N4BP2L2: variants seen among roughly 807,000 people sequenced by gnomAD.
N4BP2L2 encodes NEDD4 binding protein 2 like 2.
In N4BP2L2, 50 loss-of-function variants were observed where a neutral mutation model predicts 56.2. The observed-to-expected ratio is 0.89, with a 90% CI of 0.71 to 1.13. The LOEUF is 1.13. Ranked by LOEUF, N4BP2L2 falls within the 50% of genes most tolerant of loss-of-function variation. The pLI, the probability that N4BP2L2 is intolerant of heterozygous loss-of-function variation, is 0.00. For synonymous variants in N4BP2L2, 203 were observed against 223.6 expected (o/e 0.91, Z 0.82); for missense variants, 689 against 693.8 (o/e 0.99, Z 0.08).
At chr13:32,520,672 T>C (rs1434418437) in intron 5 of N4BP2L2, among the ~76,000 whole-genome samples, 4 of 131,852 alleles carry the variant, frequency 3.0e-5, no homozygotes, top group Admixed American at 7.4e-5. Context: ...AAAAAAAAAG[T>C]AAAGGAAAAA....
exon 7 of N4BP2L2, chr13:32,442,725 A>C (rs781333732): frequency 8.7e-6 from 14 of 1,613,608 alleles, no homozygotes; most frequent in Non-Finnish European, 1.2e-5. Flanking sequence ...TCCAAATACT[A>C]GATAAATTAT....
At chr13:32,478,391 A>G (rs1171899275) in intron 6 of N4BP2L2, 1 of 187,850 alleles carries the variant, frequency 5.3e-6, no homozygotes, top group African/African-American at 2.3e-5. Flanking sequence ...TATTCCTGAG[A>G]GATGGAAATA....
intron 6 of N4BP2L2, among the ~76,000 whole-genome samples, chr13:32,494,216 G>C (rs1485163121): frequency 6.6e-6 from 1 of 152,090 alleles, no homozygotes; most frequent in Non-Finnish European, 1.5e-5. Context: ...CTGGGAGGCG[G>C]AGGTTGCAGT....
rs76571497 is a variant in N4BP2L2, at chr13:32,459,993, C to T, written c.366-15867G>A. On this transcript the variant is annotated intron_variant, in intron 6 of 9. Coordinates refer to the N4BP2L2 transcript ENST00000357505. Reference sequence around the variant, plus strand: ...AGGATTTATCTCAGGGATGCAAACACGGTTCAACATACACAAATCAATAAA... The same window carrying T: ...AGGATTTATCTCAGGGATGCAAACATGGTTCAACATACACAAATCAATAAA... Among the ~76,000 whole-genome samples, 1,281 of 152,160 alleles carry T rather than the reference C, an allele frequency of 8.4e-3. 6 individuals carry two copies. The highest frequency in any genetic ancestry group is 0.03 in the South Asian group (145 of 4,822).
At chr13:32,480,593 A>G (rs1326707605) in intron 6 of N4BP2L2, 1 of 1,281,232 alleles carries the variant, frequency 7.8e-7, no homozygotes, top group African/African-American at 1.5e-5. Flanking sequence ...ATCTCACCTG[A>G]GTTGCTGTCT....
rs563998147 is a variant in N4BP2L2, at chr13:32,482,343, T to C, written c.365+35514A>G. ...AGTGGGGTTTACATACCTAGCGTGA[T>C]TATAATTAAACTGATTACTTGTAAT... On this transcript the variant is annotated intron_variant, in intron 6 of 9. Transcript: ENST00000357505. Among the ~76,000 whole-genome samples, 252 of 152,278 alleles carry C rather than the reference T, an allele frequency of 1.7e-3. 4 individuals carry two copies. The South Asian group carries it at 0.028, about 17-fold the overall frequency.
At chr13:32,502,992 G>C (rs1208423983) in intron 6 of N4BP2L2, among the ~76,000 whole-genome samples, 2 of 151,884 alleles carry the variant, frequency 1.3e-5, no homozygotes, top group African/African-American at 4.8e-5. Context: ...AGCCAACATG[G>C]AGAAACCCCA....
chr13:32,517,589 A>G, exon 6 of N4BP2L2: 3 of 1,327,780 alleles, frequency 2.3e-6, no homozygotes, highest in Non-Finnish European at 2.9e-6. Context: ...AGCCAAGAGT[A>G]TTACAACAAG....
intron 6 of N4BP2L2, among the ~76,000 whole-genome samples, chr13:32,494,179 TG>T (rs1160990570): frequency 1.3e-5 from 2 of 151,390 alleles, no homozygotes. Flanking sequence ...GCTACTCAGG[TG>T]GCTGAGGCAT....
At chr13:32,472,327 T>C (rs1210768072) in intron 6 of N4BP2L2, among the ~76,000 whole-genome samples, 1 of 152,218 alleles carries the variant, frequency 6.6e-6, no homozygotes, top group Non-Finnish European at 1.5e-5. Flanking sequence ...ACGTCAATAC[T>C]AAGAAGATTC....
At chr13:32,492,314 G>T (rs981259109) in intron 6 of N4BP2L2, among the ~76,000 whole-genome samples, 11 of 106,856 alleles carry the variant, frequency 1.0e-4, no homozygotes, top group Admixed American at 2.7e-4. Context: ...ACAGAGTCTC[G>T]CTTTGTCGGC....
At chr13:32,492,321 C>A (rs919063969) in intron 6 of N4BP2L2, among the ~76,000 whole-genome samples, 1 of 110,082 alleles carries the variant, frequency 9.1e-6, no homozygotes, top group African/African-American at 3.6e-5. Flanking sequence ...CTCGCTTTGT[C>A]GGCGAGGCTG....
At chr13:32,481,133 A>C (rs2084631329) in intron 6 of N4BP2L2, among the ~76,000 whole-genome samples, 4 of 150,506 alleles carry the variant, frequency 2.7e-5, no homozygotes, top group Admixed American at 6.6e-5. Context: ...AAAAAAAAAA[A>C]AAAAAAAAAA....
At position 32,521,300 on chromosome 13, in the gene N4BP2L2, CTG is replaced by C. The variant is rs1190253900; in HGVS notation, c.1550+71_1550+72del. On this transcript the variant is annotated intron_variant, in intron 5 of 5. Transcript: ENST00000267068. ...TGAACCTACATTTGTATTCAATAAA[CTG>C]TGAAAGGATGTCAGAATTCACAAAA... The C allele has an allele frequency of 1.2e-5, 14 of 1,158,816 alleles. No homozygotes were observed. In the East Asian group the frequency reaches 3.3e-4, roughly 27 times the overall value. 71.8% of individuals were successfully genotyped at this position (1,158,816 alleles called of 1,614,324 possible). A position where few individuals can be genotyped will look rare whatever the true frequency, so the allele number is the denominator to read the frequency against.
chr13:32,526,096 G>A (rs1350202750), intron 3 of N4BP2L2, among the ~76,000 whole-genome samples: 2 of 148,170 alleles, frequency 1.3e-5, no homozygotes, highest in Admixed American at 6.7e-5. Flanking sequence ...TCCATTCACA[G>A]AAAACAAAGA....
chr13:32,527,191 G>A (rs554526184), intron 3 of N4BP2L2: 22 of 484,422 alleles, frequency 4.5e-5, no homozygotes, highest in Non-Finnish European at 6.2e-5. Context: ...TTTACAAAGC[G>A]TTTTATCTAA....
In N4BP2L2 at chr13:32,535,761, T is replaced by C. The variant is rs370813286; in HGVS notation, c.1259+8A>G. On this transcript the variant is annotated splice_region_variant and intron_variant, in intron 2 of 5. Transcript: ENST00000267068. ...TTACCAAGTATTCAGTTGGTATCCT[T>C]TACTTACCGAGACAATGTTGTTTTC... 12 of 1,609,354 alleles carry C rather than the reference T, an allele frequency of 7.5e-6. No homozygotes were observed. Among genetic ancestry groups the C allele is most frequent in the Non-Finnish European group, 1.0e-5 (12 of 1,177,868 alleles).
At chr13:32,438,141 C>T (rs2075737230) in intron 8 of N4BP2L2, among the ~76,000 whole-genome samples, 1 of 152,028 alleles carries the variant, frequency 6.6e-6, no homozygotes, top group Admixed American at 6.6e-5. Flanking sequence ...ATTTAAAATC[C>T]TCTCCTCTAG....
chr13:32,530,734 C>A lies in N4BP2L2; in HGVS notation c.1260-3202G>T, dbSNP rs1351820457. On this transcript the variant is annotated intron_variant, in intron 2 of 5. Coordinates refer to ENST00000267068, the Ensembl canonical transcript of N4BP2L2. ...GTAGTGGGAGAACTAAGATAAAGCACCTCCTTGACCCCAAAACCAAAGGCC... is the reference window on the plus strand; with the variant it reads ...GTAGTGGGAGAACTAAGATAAAGCAACTCCTTGACCCCAAAACCAAAGGCC... Among the ~76,000 whole-genome samples the A allele has an allele frequency of 5.3e-5, 8 of 152,100 alleles. No individual in the cohort carries two copies. The South Asian group carries it at 1.2e-3, about 24-fold the overall frequency.
Sources: gnomAD v4.1 joint callset for allele counts (sites outside exome capture counted in the v4.1 genomes callset) on GRCh38, gnomAD v4.1.1 for gene constraint, MANE v1.5 for transcripts, NCBI Gene and HGNC (gene_info 2026-07-23, HGNC 2026-07-21) for gene names.